SEC63: variants seen among roughly 807,000 people sequenced by gnomAD.
SEC63 encodes SEC63 protein translocation regulator.
In SEC63, 56 loss-of-function variants were observed where a neutral mutation model predicts 116.2. The observed-to-expected ratio is 0.48, with a 90% CI of 0.39 to 0.60. The LOEUF (loss-of-function observed/expected upper bound fraction) is 0.60, where lower values mean the gene tolerates loss of function less well. Among genes scored for constraint, SEC63 ranks in the 20% least tolerant of loss-of-function variants. The pLI is 0.00. For synonymous variants in SEC63, 273 were observed against 294.6 expected, an observed-to-expected ratio of 0.93 and a Z score of 0.75; for missense variants, 668 against 900.0, an observed-to-expected ratio of 0.74 and a Z score of 3.30.
intron 1 of SEC63, among the ~76,000 whole-genome samples, chr6:107,953,645 G>A (rs1770629340): frequency 6.8e-6 from 1 of 146,434 alleles, no homozygotes; most frequent in East Asian, 2.1e-4. Flanking sequence ...CGCCCCTACT[G>A]GCAAGTGAGG....
Position 107,902,886 on chromosome 6 carries a change from A to G in SEC63, c.1167T>C (p.His389=), listed in dbSNP as rs764801148. 16 of 1,614,010 alleles carry G rather than the reference A, an allele frequency of 9.9e-6. No individual in the cohort carries two copies. The South Asian group carries it at 1.4e-4, about 14-fold the overall frequency. Residue 389 remains histidine (H), a synonymous_variant, in exon 12 of 21, where the codon CAT becomes CAC. Transcript: ENST00000369002. ...QFKSPLLQLP[H]IEEDNLRRVS... ...CCCGTCTAAGATTGTCCTCTTCAAT[A>G]TGAGGGAGCTGCAGAAGGGGAGACT...
rs1406165912 is a variant in SEC63 at position 107,881,225 on chromosome 6, A to G, written c.1859T>C (p.Ile620Thr). The change falls in exon 18 of 21, where the codon ATA (isoleucine) becomes ACA (threonine). Residue 620 changes from isoleucine (I) to threonine (T), a missense_variant. Around this residue, in one of 5 missense-constraint regions of SEC63, gnomAD observed 430 missense variants for 557.5 expected, o/e 0.77. Transcript: ENST00000369002. ...EAEWQELQQS[I>T]QRKERALLET... ...CAATAGAGCTCTCTCTTTTCGCTGT[A>G]TGCTTTGTTGTAATTCTTGCCACTC... 1 of 1,612,838 alleles carries G rather than the reference A, an allele frequency of 6.2e-7. No homozygotes were observed. Among genetic ancestry groups the G allele is most frequent in the South Asian group, 1.1e-5 (1 of 91,040 alleles).
intron 16 of SEC63, among the ~76,000 whole-genome samples, chr6:107,890,662 A>G (rs1786659916): frequency 6.6e-6 from 1 of 152,098 alleles, no homozygotes; most frequent in African/African-American, 2.4e-5. Flanking sequence ...TCTTCACAGC[A>G]TTGACAGTCT....
Position 107,906,724 on chromosome 6 carries a change from C to A in SEC63, c.787G>T (p.Asp263Tyr), listed in dbSNP as rs1787156804. 3.1e-6 allele frequency: 5 copies of A among 1,613,888 alleles called. No individual in the cohort carries two copies. The African/African-American group carries it at 6.7e-5, about 22-fold the overall frequency. Residue 263 changes from aspartate (D) to tyrosine (Y), a missense_variant, in exon 9 of 21, where the codon GAT (aspartate) becomes TAT (tyrosine). By Grantham distance (160) the Asp-to-Tyr change is radical. Transcript: ENST00000369002. ...TTATCCGTTGGTCTGCTTGTGGCAT[C>A]TTTATTATACTGAGGATCAAATTCA... is the stretch of plus-strand genomic sequence containing the variant. ...ASEFDPQYNK[D>Y]ATSRPTDNIL...
chr6:107,880,872 C>A (rs1165350821), intron 18 of SEC63: 2 of 354,536 alleles, frequency 5.6e-6, no homozygotes, highest in Non-Finnish European at 1.1e-5. Flanking sequence ...TGAGAAATCA[C>A]CATTACACAT....
At chr6:107,909,704 C>T (rs549838542) in intron 7 of SEC63, among the ~76,000 whole-genome samples, 1 of 152,268 alleles carries the variant, frequency 6.6e-6, no homozygotes, top group South Asian at 2.1e-4. Context: ...TCAATAAATA[C>T]TTGATAAACA....
intron 19 of SEC63, among the ~76,000 whole-genome samples, chr6:107,874,125 G>C (rs1434044963): frequency 6.6e-6 from 1 of 151,938 alleles, no homozygotes; most frequent in African/African-American, 2.4e-5. Flanking sequence ...CACCAACATA[G>C]GGCAAAGTCA....
intron 18 of SEC63, chr6:107,880,881 A>T (rs996641009): frequency 2.5e-6 from 1 of 395,032 alleles, no homozygotes; most frequent in East Asian, 5.0e-5. Context: ...ACCATTACAC[A>T]TAACACTCAG....
In SEC63 at chr6:107,868,979, C is replaced by T. The variant is rs1022939471; in HGVS notation, c.*2725G>A. On this transcript the variant is annotated 3_prime_UTR_variant, in exon 21 of 21. Coordinates refer to ENST00000369002, the MANE Select transcript of SEC63 (RefSeq NM_007214.5). ...GAACAAAACTTGTGGTCAAAAATAA[C>T]ATGCCTAGAGAGCCTCATTATATCT... The T allele has an allele frequency of 6.6e-6, 1 of 152,154 alleles. No homozygotes were observed. The highest frequency in any genetic ancestry group is 1.5e-5 in the Non-Finnish European group (1 of 68,040). The allele number at this position is 152,154 out of a possible 1,614,324, so 9.4% of individuals were successfully genotyped here.
In SEC63 at chr6:107,915,635, TA is replaced by T. The variant is rs575404919; in HGVS notation, c.453-2209del. Among the ~76,000 whole-genome samples, 527 of 148,522 alleles carry T rather than the reference TA, an allele frequency of 3.5e-3. 4 individuals are homozygous for T. The highest frequency in any genetic ancestry group is 6.0e-3 in the Non-Finnish European group (401 of 66,778). On this transcript the variant is annotated intron_variant, in intron 4 of 20. Coordinates refer to ENST00000369002, the MANE Select transcript of SEC63 (RefSeq NM_007214.5). Reference sequence around the variant, plus strand: ...CTAAAGGAAAGAGTGAAAATCTGATTAAAAAAAAAATGAAATGACCCAGCTG... The same window carrying T: ...CTAAAGGAAAGAGTGAAAATCTGATTAAAAAAAAATGAAATGACCCAGCTG...
intron 19 of SEC63, 41 bp downstream of exon 19, chr6:107,876,523 G>T: frequency 1.7e-6 from 2 of 1,155,830 alleles, no homozygotes; most frequent in Non-Finnish European, 2.6e-6. Context: ...GGTGACAGCT[G>T]TGCCTTGTTA....
Position 107,882,836 on chromosome 6 carries a change from G to A in SEC63, c.1833+152C>T, listed in dbSNP as rs73499120. ...ACCTTGACTACCATTCCTTAAAAAC[G>A]TTCTTCAAAGTAATAAAATTATAAA... On this transcript the variant is annotated intron_variant, in intron 17 of 20. Transcript: ENST00000369002. 3.2e-3 allele frequency: 1,785 copies of A among 555,706 alleles called. 23 individuals are homozygous for A. Among genetic ancestry groups the A allele is most frequent in the African/African-American group, 0.03 (1,600 of 52,552 alleles). The allele number at this position is 555,706 out of a possible 1,614,324, so 34.4% of individuals were successfully genotyped here. A position where few individuals can be genotyped will look rare whatever the true frequency, so the allele number is the denominator to read the frequency against.
intron 14 of SEC63, 54 bp downstream of exon 14, chr6:107,897,595 T>C: frequency 8.2e-7 from 1 of 1,225,848 alleles, no homozygotes; most frequent in Admixed American, 1.7e-5. Flanking sequence ...GAAATAAATA[T>C]AAAAGCCTTG....
chr6:107,871,995 GAACA>G, intron 20 of SEC63, 148 bp from the exon 21 acceptor site: 1 of 744,428 alleles, frequency 1.3e-6, no homozygotes, highest in South Asian at 1.6e-5. Context: ...CATTCATTTA[GAACA>G]GACACTTCAT....
intron 18 of SEC63, 183 bp downstream of exon 18, chr6:107,880,966 G>A: frequency 1.8e-6 from 1 of 553,348 alleles, no homozygotes; most frequent in Non-Finnish European, 3.2e-6. Flanking sequence ...TCTTTTATAA[G>A]CAACACGTTC....
At chr6:107,937,131 T>TTC (rs1042963529) in intron 1 of SEC63, among the ~76,000 whole-genome samples, 3 of 150,838 alleles carry the variant, frequency 2.0e-5, no homozygotes, top group African/African-American at 7.3e-5. Flanking sequence ...ACATTTTTTT[T>TTC]TTTTTTTTGA....
rs758047743 is a variant in SEC63, at chr6:107,902,906, G to C, written c.1147C>G (p.Pro383Ala). The C allele has an allele frequency of 1.2e-6, 2 of 1,613,752 alleles. No homozygotes were observed. The highest frequency in any genetic ancestry group is 1.7e-5 in the Admixed American group (1 of 59,996). Residue 383 changes from proline to alanine, a missense_variant, in exon 12 of 21, where the codon CCC becomes GCC. Transcript: ENST00000369002. ...TCAATATGAGGGAGCTGCAGAAGGGGAGACTTAAATTGCTGAAGTCCCTGA... is the reference window on the plus strand; with the variant it reads ...TCAATATGAGGGAGCTGCAGAAGGGCAGACTTAAATTGCTGAAGTCCCTGA... ...AVQGLQQFKSPLLQLPHIEED... is the reference protein window; with the variant it reads ...AVQGLQQFKSALLQLPHIEED...
intron 3 of SEC63, among the ~76,000 whole-genome samples, 193 bp downstream of exon 3, chr6:107,924,625 C>T (rs114881290): frequency 3.7e-4 from 55 of 150,614 alleles, no homozygotes; most frequent in African/African-American, 1.3e-3. Flanking sequence ...AATTGAAAAC[C>T]AATTATTAAT....
chr6:107,909,024 C>T lies in SEC63; in HGVS notation c.636G>A (p.Trp212Ter), dbSNP rs2114454119. The T allele has an allele frequency of 2.5e-6, 4 of 1,609,038 alleles. No homozygotes were observed. The highest frequency in any genetic ancestry group is 3.4e-6 in the Non-Finnish European group (4 of 1,175,766). Residue 212 changes from tryptophan to a stop codon, truncating the protein, a stop_gained, in exon 8 of 21, where the codon TGG becomes TGA. Transcript: ENST00000369002. LOFTEE classifies it high-confidence loss of function. ...CTCCACTATAGCGTATTGAGCGATA[C>T]CACCAAGAGCCCTAAAACACAAAAA... ...VILPVVVGSWWYRSIRYSGDQ... is the reference protein window; with the variant it reads ...VILPVVVGSW
Sources: allele counts gnomAD v4.1 joint callset (sites outside exome capture counted in the v4.1 genomes callset), GRCh38; gene constraint gnomAD v4.1.1; regional missense constraint gnomAD v4.1.1; transcripts MANE v1.5; gene names NCBI Gene and HGNC (gene_info 2026-07-23, HGNC 2026-07-21).